Variants in SLC35E2B observed in about 807,000 individuals in gnomAD.
The protein encoded by SLC35E2B is solute carrier family 35 member E2B, also known as solute carrier family 35, member E2B.
Under a neutral mutation model 32.4 loss-of-function variants are expected in SLC35E2B, and 18 were observed. The observed-to-expected ratio is 0.56, with a 90% CI of 0.38 to 0.82. SLC35E2B has a LOEUF of 0.82. Among genes scored for constraint, SLC35E2B ranks in the 40% least tolerant of loss-of-function variants. The pLI is 0.00. For synonymous variants in SLC35E2B, 132 were observed against 209.1 expected (o/e 0.63, Z 3.18); for missense variants, 263 against 469.5 (o/e 0.56, Z 4.06).
chr1:1,677,962 C>G (rs1474295006), intron 2 of SLC35E2B, among the ~76,000 whole-genome samples: 1 of 151,780 alleles, frequency 6.6e-6, no homozygotes, highest in African/African-American at 2.4e-5. Context: ...AGCACCGAGA[C>G]CCCACCTCCC....
intron 9 of SLC35E2B, among the ~76,000 whole-genome samples, chr1:1,667,469 A>G (rs35154105): frequency 5.9e-4 from 90 of 152,264 alleles, no homozygotes; most frequent in Middle Eastern, 6.8e-3. Flanking sequence ...GCTTCATTCA[A>G]TCTGCCCAGT....
intron 6 of SLC35E2B, 135 bp from the exon 7 acceptor site, chr1:1,670,286 TAC>T: frequency 3.1e-6 from 2 of 649,424 alleles, no homozygotes; most frequent in Non-Finnish European, 5.3e-6. Context: ...CACGCCTGGT[TAC>T]TTTTTTTATT....
intron 2 of SLC35E2B, among the ~76,000 whole-genome samples, chr1:1,677,895 T>G (rs1220605545): frequency 6.6e-6 from 1 of 151,502 alleles, no homozygotes; most frequent in Non-Finnish European, 1.5e-5. Flanking sequence ...CCTCCTGAGG[T>G]CCAGTGGGAA....
intron 6 of SLC35E2B, 93 bp from the exon 7 acceptor site, chr1:1,670,244 G>A (rs374319038): frequency 1.6e-5 from 15 of 916,416 alleles, no homozygotes; most frequent in Middle Eastern, 2.1e-4. Flanking sequence ...GAGCGATGGC[G>A]ACAATGACCA....
chr1:1,669,638 A>AC, intron 8 of SLC35E2B, 26 bp downstream of exon 8: 2 of 1,510,794 alleles, frequency 1.3e-6, no homozygotes, highest in Non-Finnish European at 1.8e-6. Flanking sequence ...GCAAGTAAGG[A>AC]CGGGACGCCT....
intron 6 of SLC35E2B, chr1:1,670,804 A>C (rs1643667966): frequency 6.6e-6 from 1 of 152,190 alleles, no homozygotes; most frequent in Non-Finnish European, 1.5e-5. Context: ...ACTCTCAGAC[A>C]CCAGTGGTGG....
At chr1:1,677,688 G>A (rs1486560122) in intron 2 of SLC35E2B, among the ~76,000 whole-genome samples, 4 of 150,664 alleles carry the variant, frequency 2.7e-5, no homozygotes, top group African/African-American at 7.3e-5. Context: ...GGTTTTCACC[G>A]TGTTAGCCAG....
At position 1,684,789 on chromosome 1, in the gene SLC35E2B, C is replaced by CAAAAAAAAAAA; in HGVS notation, c.-148+6176_-148+6186dup. Among the ~76,000 whole-genome samples the CAAAAAAAAAAA allele has an allele frequency of 8.4e-5, 2 of 23,734 alleles. 1 individual carries two copies. The highest frequency in any genetic ancestry group is 1.5e-4 in the Non-Finnish European group (2 of 13,742). 15.6% of individuals were successfully genotyped at this position (23,734 alleles called of 152,430 possible). A position where few individuals can be genotyped will look rare whatever the true frequency, so the allele number is the denominator to read the frequency against. On this transcript the variant is annotated intron_variant, in intron 2 of 9. Coordinates refer to ENST00000617444, the MANE Select transcript of SLC35E2B (RefSeq NM_001290264.2). ...TGGGCAACAGAGCGAGACTCCATCT[C>CAAAAAAAAAAA]AAAAAAAAAAAAAAAAAAAAAAAAA...
intron 2 of SLC35E2B, among the ~76,000 whole-genome samples, chr1:1,690,454 G>A (rs113732401): frequency 1.1e-4 from 16 of 147,310 alleles, no homozygotes; most frequent in African/African-American, 2.0e-4. Context: ...AAAAAAAAAT[G>A]TTGGCGGGGC....
At chr1:1,671,686 G>A (rs914973039) in intron 5 of SLC35E2B, 57 bp from the exon 6 acceptor site, 42 of 1,430,932 alleles carry the variant, frequency 2.9e-5, no homozygotes, top group African/African-American at 1.0e-4. Flanking sequence ...GCTCCCTCCC[G>A]AGGGCCAGGC....
rs571761872 is a variant in SLC35E2B, at chr1:1,679,805, C to T, written c.-147-2959G>A. On this transcript the variant is annotated intron_variant, in intron 2 of 9. Coordinates refer to ENST00000617444, the MANE Select transcript of SLC35E2B (RefSeq NM_001290264.2). ...TGAGATCGCGCCATTGCACCCCAGC[C>T]TGAGCAACAGAGCGAGACTCCCGTC... 2.7e-4 allele frequency among the ~76,000 whole-genome samples: 38 copies of T among 141,436 alleles called. 1 individual carries two copies. In the South Asian group the frequency reaches 5.8e-3, roughly 22 times the overall value. The allele number at this position is 141,436 out of a possible 152,430, so 92.8% of individuals were successfully genotyped here.
chr1:1,684,990 C>T (rs1411116479), intron 2 of SLC35E2B, among the ~76,000 whole-genome samples: 1 of 151,274 alleles, frequency 6.6e-6, no homozygotes, highest in African/African-American at 2.4e-5. Flanking sequence ...GCCTGTAGTC[C>T]CAGCTACTTG....
chr1:1,667,356 T>C (rs899771881), intron 9 of SLC35E2B, among the ~76,000 whole-genome samples: 5 of 151,978 alleles, frequency 3.3e-5, no homozygotes, highest in African/African-American at 9.7e-5. Context: ...GAGCTTGCAG[T>C]GAGCCGAGAC....
In SLC35E2B at chr1:1,677,713, C is replaced by T. The variant is rs567211658; in HGVS notation, c.-147-867G>A. 2.0e-5 allele frequency among the ~76,000 whole-genome samples: 3 copies of T among 151,774 alleles called. No individual in the cohort carries two copies. In the East Asian group the frequency reaches 5.8e-4, roughly 29 times the overall value. ...GTGTTAGCCAGGATGGTCTCGATCT[C>T]CTGACCTCGTGAACCGCCCACCTCG... On this transcript the variant is annotated intron_variant, in intron 2 of 9. Coordinates refer to ENST00000617444, the MANE Select transcript of SLC35E2B (RefSeq NM_001290264.2).
chr1:1,678,414 G>A (rs1375145096), intron 2 of SLC35E2B, among the ~76,000 whole-genome samples: 1 of 151,944 alleles, frequency 6.6e-6, no homozygotes, highest in Non-Finnish European at 1.5e-5. Flanking sequence ...CTCCCCAGTG[G>A]CGGCAATGCC....
chr1:1,683,399 G>A (rs924389331), intron 2 of SLC35E2B, among the ~76,000 whole-genome samples: 2 of 152,170 alleles, frequency 1.3e-5, no homozygotes, highest in African/African-American at 4.8e-5. Context: ...GGATCAATGA[G>A]TTTGACAGGA....
chr1:1,662,699 T>A lies in SLC35E2B; in HGVS notation c.*3083A>T, dbSNP rs1643436278. ...TTCTTTTTTAACCTTTTTATGCCTT[T>A]CAGTAGGGGAAGTTTCCTTGAAAGA... On this transcript the variant is annotated 3_prime_UTR_variant, in exon 10 of 10. Coordinates refer to ENST00000617444, the MANE Select transcript of SLC35E2B (RefSeq NM_001290264.2). 2.7e-6 allele frequency: 2 copies of A among 730,826 alleles called. No individual in the cohort carries two copies. The highest frequency in any genetic ancestry group is 5.7e-5 in the South Asian group (1 of 17,652). The allele number at this position is 730,826 out of a possible 1,614,324, so 45.3% of individuals were successfully genotyped here.
In SLC35E2B at chr1:1,664,606, CT is replaced by C; in HGVS notation, c.*1175del. ...AGCCACTCCTCAGGCCTCCTGCGCCCTCGGGGGTGCGTGACACAGGAGGATG... is the reference window on the plus strand; with the variant it reads ...AGCCACTCCTCAGGCCTCCTGCGCCCCGGGGGTGCGTGACACAGGAGGATG... On this transcript the variant is annotated 3_prime_UTR_variant, in exon 10 of 10. Coordinates refer to ENST00000617444, the MANE Select transcript of SLC35E2B (RefSeq NM_001290264.2). The C allele has an allele frequency of 1.2e-6, 1 of 815,194 alleles. No individual in the cohort carries two copies. Among genetic ancestry groups the C allele is most frequent in the Non-Finnish European group, 1.5e-6 (1 of 677,440 alleles). The allele number at this position is 815,194 out of a possible 1,614,324, so 50.5% of individuals were successfully genotyped here.
At position 1,686,802 on chromosome 1, in the gene SLC35E2B, A is replaced by G. The variant is rs1643956954; in HGVS notation, c.-148+4174T>C. 6.6e-5 allele frequency among the ~76,000 whole-genome samples: 10 copies of G among 151,934 alleles called. No homozygotes were observed. The South Asian group carries it at 2.1e-3, about 31-fold the overall frequency. ...CCAGGCACGGAGGCTCACGCCTGTA[A>G]TCCCAGCACTTTGGGAGTCCAAGGG... On this transcript the variant is annotated intron_variant, in intron 2 of 9. Coordinates refer to ENST00000617444, the MANE Select transcript of SLC35E2B (RefSeq NM_001290264.2).
Sources: gnomAD v4.1 joint callset for allele counts (sites outside exome capture counted in the v4.1 genomes callset) on GRCh38, gnomAD v4.1.1 for gene constraint, MANE v1.5 for transcripts, NCBI Gene and HGNC (gene_info 2026-07-23, HGNC 2026-07-21) for gene names.